The following ANKRD36 variants were observed in gnomAD, a reference collection of about 807,000 sequenced individuals.
The protein encoded by ANKRD36 is ankyrin repeat domain 36.
Under a neutral mutation model 278.1 loss-of-function variants are expected in ANKRD36, and 179 were observed. The ratio of observed to expected loss-of-function variants is 0.64; its 90% CI spans 0.57 to 0.73. ANKRD36 has a LOEUF of 0.73. Ranked by LOEUF, ANKRD36 falls within the 30% of genes least tolerant of loss-of-function variation. The pLI is 0.00. For synonymous variants in ANKRD36, 320 were observed against 641.1 expected (o/e 0.50, Z 7.57); for missense variants, 1,159 against 1,956.7 (o/e 0.59, Z 7.69).
intron 75 of ANKRD36, among the ~76,000 whole-genome samples, chr2:97,250,515 G>A (rs1310317765): frequency 8.5e-6 from 1 of 117,088 alleles, no homozygotes; most frequent in Non-Finnish European, 1.5e-5. Context: ...ACTTCTCAAG[G>A]TTAAGGTAGT....
intron 6 of ANKRD36, among the ~76,000 whole-genome samples, chr2:97,137,434 A>G (rs2153440273): frequency 6.6e-6 from 1 of 151,862 alleles, no homozygotes; most frequent in African/African-American, 2.4e-5. Flanking sequence ...CACAGACATG[A>G]GCCACTGTGC....
chr2:97,123,042 T>G (rs1209678679), intron 4 of ANKRD36, 49 bp downstream of exon 4: 2 of 1,439,278 alleles, frequency 1.4e-6, no homozygotes, highest in South Asian at 1.3e-5. Flanking sequence ...GAGTGTCATT[T>G]TAGTGTGGTA....
At chr2:97,194,964 A>G (rs1324619677) in intron 40 of ANKRD36, 47 bp downstream of exon 40, 5 of 1,536,792 alleles carry the variant, frequency 3.3e-6, no homozygotes, top group Non-Finnish European at 4.4e-6. Flanking sequence ...CCAGACAAGA[A>G]GTTCTCTTCC....
rs374914811 is a variant in ANKRD36, at chr2:97,114,099, G to C, written c.197+163G>C. Reference sequence around the variant, plus strand: ...TGGGAGTGAGTGGAGCGGGGCCTGGGGAGTGGCGGTATATGGGGTGGCGGG... The same window carrying C: ...TGGGAGTGAGTGGAGCGGGGCCTGGCGAGTGGCGGTATATGGGGTGGCGGG... On this transcript the variant is annotated intron_variant, in intron 1 of 75. Transcript: ENST00000420699. 2.6e-3 allele frequency among the ~76,000 whole-genome samples: 381 copies of C among 143,998 alleles called. 3 individuals carry two copies. The highest frequency in any genetic ancestry group is 0.02 in the East Asian group (95 of 4,670). The allele number at this position is 143,998 out of a possible 152,430, so 94.5% of individuals were successfully genotyped here. A position where few individuals can be genotyped will look rare whatever the true frequency, so the allele number is the denominator to read the frequency against.
chr2:97,154,685 C>T lies in ANKRD36; in HGVS notation c.1204C>T (p.Leu402=), dbSNP rs746594249. The T allele has an allele frequency of 6.8e-7, 1 of 1,475,784 alleles. No individual in the cohort carries two copies. Among genetic ancestry groups the T allele is most frequent in the South Asian group, 1.2e-5 (1 of 82,484 alleles). 91.4% of individuals were successfully genotyped at this position (1,475,784 alleles called of 1,614,324 possible). Reference sequence around the variant, plus strand: ...CTTTTTGCTCTGTAGGTGTCTCTACCTACTGGACCGTTTTGCACAGCCTGT... The same window carrying T: ...CTTTTTGCTCTGTAGGTGTCTCTACTTACTGGACCGTTTTGCACAGCCTGT... The part of the protein sequence containing the change: ...VEEAVDRCLY[L]LDRFAQPVTK... The change falls in exon 15 of 76, where the codon CTA becomes TTA. Residue 402 remains leucine, a synonymous_variant. Coordinates refer to ENST00000420699, the MANE Select transcript of ANKRD36 (RefSeq NM_001354587.1).
chr2:97,182,093 G>A (rs1370491479), intron 26 of ANKRD36, among the ~76,000 whole-genome samples: 1 of 151,306 alleles, frequency 6.6e-6, no homozygotes, highest in Non-Finnish European at 1.5e-5. Context: ...CACCAAGGGA[G>A]GAAGGAGAAA....
rs1051049321 is a variant in ANKRD36, at chr2:97,118,115, C to T, written c.249C>T (p.Leu83=). ...CATGQPEMVH[L]LVSRRCELNL... ...CTGGCCAACCGGAAATGGTACATCT[C>T]CTGGTGTCCAGAAGATGTGAGCTTA... Residue 83 remains leucine, a synonymous_variant, in exon 2 of 76, where the codon CTC becomes CTT. Coordinates refer to ENST00000420699, the MANE Select transcript of ANKRD36 (RefSeq NM_001354587.1). 32 of 1,560,114 alleles carry T rather than the reference C, an allele frequency of 2.1e-5. No individual in the cohort carries two copies. In the African/African-American group the frequency reaches 2.3e-4, roughly 11 times the overall value.
intron 58 of ANKRD36, among the ~76,000 whole-genome samples, chr2:97,212,535 A>T (rs2064943576): frequency 6.6e-6 from 1 of 151,936 alleles, no homozygotes; most frequent in African/African-American, 2.4e-5. Flanking sequence ...TATTGAATGA[A>T]ACTTCTTTAG....
intron 28 of ANKRD36, among the ~76,000 whole-genome samples, chr2:97,184,005 A>G (rs994457675): frequency 1.3e-5 from 2 of 151,674 alleles, no homozygotes; most frequent in Admixed American, 1.3e-4. Flanking sequence ...TATAGATGTC[A>G]GATGGTACTG....
chr2:97,208,450 C>G (rs1197753915), intron 54 of ANKRD36, among the ~76,000 whole-genome samples: 2 of 146,390 alleles, frequency 1.4e-5, no homozygotes, highest in African/African-American at 5.3e-5. Context: ...AACAGTTTTC[C>G]TAAGGAAGAC....
intron 68 of ANKRD36, among the ~76,000 whole-genome samples, chr2:97,235,280 C>G (rs1205096958): frequency 1.3e-5 from 2 of 151,330 alleles, no homozygotes; most frequent in African/African-American, 2.4e-5. Flanking sequence ...ATCCTTTCTC[C>G]ACTGCATTGC....
chr2:97,210,268 G>GT (rs2153625934), intron 56 of ANKRD36, among the ~76,000 whole-genome samples: 1 of 151,918 alleles, frequency 6.6e-6, no homozygotes, highest in Admixed American at 6.6e-5. Context: ...AATAACCCGT[G>GT]TACAGTGTAG....
intron 57 of ANKRD36, 36 bp downstream of exon 57, chr2:97,211,610 C>G (rs1395781410): frequency 1.2e-6 from 2 of 1,601,756 alleles, no homozygotes; most frequent in African/African-American, 1.3e-5. Flanking sequence ...GAACTATTAA[C>G]TGTATAGTAT....
At position 97,154,581 on chromosome 2, in the gene ANKRD36, T is replaced by G. The variant is rs1318097826; in HGVS notation, c.1194-94T>G. The stretch of plus-strand genomic sequence containing the variant: ...TTCCTCAGACTTTGTTTTACCATTT[T>G]TTTTGGAGGGGACCTGCATGTATAG... On this transcript the variant is annotated intron_variant, in intron 14 of 75. Coordinates refer to ENST00000420699, the MANE Select transcript of ANKRD36 (RefSeq NM_001354587.1). 124 of 1,035,422 alleles carry G rather than the reference T, an allele frequency of 1.2e-4. 7 individuals carry two copies. Among genetic ancestry groups the G allele is most frequent in the Admixed American group, 6.7e-4 (26 of 38,822 alleles). The allele number at this position is 1,035,422 out of a possible 1,614,324, so 64.1% of individuals were successfully genotyped here.
At chr2:97,217,274 A>T (rs1423025176) in intron 63 of ANKRD36, 26 bp from the exon 64 acceptor site, 13 of 1,548,440 alleles carry the variant, frequency 8.4e-6, no homozygotes, top group Non-Finnish European at 1.0e-5. Flanking sequence ...TTATGTATTG[A>T]CTATTTTGTT....
At chr2:97,192,454 A>G (rs528885141) in intron 36 of ANKRD36, among the ~76,000 whole-genome samples, 15 of 151,808 alleles carry the variant, frequency 9.9e-5, no homozygotes, top group African/African-American at 3.4e-4. Context: ...TTGTAGTATA[A>G]TGGTGTAAAT....
At chr2:97,137,786 A>G (rs530988763) in intron 6 of ANKRD36, among the ~76,000 whole-genome samples, 1 of 152,192 alleles carries the variant, frequency 6.6e-6, no homozygotes, top group Non-Finnish European at 1.5e-5. Context: ...CTGACCTTTT[A>G]ACGATTGCCA....
chr2:97,191,133 G>C lies in ANKRD36; in HGVS notation c.2299G>C (p.Val767Leu). 1 of 1,598,554 alleles carries C rather than the reference G, an allele frequency of 6.3e-7. No individual in the cohort carries two copies. Among genetic ancestry groups the C allele is most frequent in the Non-Finnish European group, 8.5e-7 (1 of 1,172,626 alleles). Reference sequence around the variant, plus strand: ...GGCTACAACTGATGAGAAAGATTCTGTTTCGAACATAGCCACAGAAATAAA... The same window carrying C: ...GGCTACAACTGATGAGAAAGATTCTCTTTCGAACATAGCCACAGAAATAAA... ...LKATTDEKDS[V>L]SNIATEIKDG... The change falls in exon 36 of 76, where the codon GTT (valine) becomes CTT (leucine). Residue 767 changes from valine to leucine, a missense_variant. Val to Leu is a conservative substitution (Grantham distance 32). Coordinates refer to ENST00000420699, the MANE Select transcript of ANKRD36 (RefSeq NM_001354587.1).
rs745877753 is a variant in ANKRD36, at chr2:97,152,056, G to A, written c.1162+117G>A. On this transcript the variant is annotated intron_variant, in intron 13 of 75. Coordinates refer to ENST00000420699, the MANE Select transcript of ANKRD36 (RefSeq NM_001354587.1). Reference sequence around the variant, plus strand: ...AGCACAGGCTGGAGTGCAGTGGTGCGATCTTGGCTCACTGCAGTTTCCATC... The same window carrying A: ...AGCACAGGCTGGAGTGCAGTGGTGCAATCTTGGCTCACTGCAGTTTCCATC... The A allele has an allele frequency of 3.7e-4, 315 of 853,698 alleles. 4 individuals are homozygous for A. Among genetic ancestry groups the A allele is most frequent in the Middle Eastern group, 1.3e-3 (6 of 4,456 alleles). 52.9% of individuals were successfully genotyped at this position (853,698 alleles called of 1,614,324 possible).
Sources: allele counts gnomAD v4.1 joint callset (sites outside exome capture counted in the v4.1 genomes callset), GRCh38; gene constraint gnomAD v4.1.1; transcripts MANE v1.5; gene names NCBI Gene and HGNC (gene_info 2026-07-23, HGNC 2026-07-21).